MRC1: variants seen among roughly 807,000 people sequenced by gnomAD.
MRC1 encodes mannose receptor C-type 1, also known as macrophage mannose receptor 1.
In MRC1, 62 loss-of-function variants were observed where a neutral mutation model predicts 102.9. The ratio of observed to expected loss-of-function variants is 0.60; its 90% CI spans 0.49 to 0.74. The LOEUF (loss-of-function observed/expected upper bound fraction) is 0.74. Among genes scored for constraint, MRC1 ranks in the 30% least tolerant of loss-of-function variants. MRC1 has a pLI of 0.00. For missense variants in MRC1, 1,237 were observed against 862.8 expected (o/e 1.43, Z -5.43); for synonymous variants, 457 against 298.4 (o/e 1.53, Z -5.48).
In MRC1 at chr10:17,910,513, G is replaced by A. The variant is rs1833955011; in HGVS notation, c.*48G>A. 3 of 780,132 alleles carry A rather than the reference G, an allele frequency of 3.8e-6. No individual in the cohort carries two copies. The highest frequency in any genetic ancestry group is 7.2e-6 in the Non-Finnish European group (3 of 417,736). The allele number at this position is 780,132 out of a possible 1,614,324, so 48.3% of individuals were successfully genotyped here. On this transcript the variant is annotated 3_prime_UTR_variant, in exon 30 of 30. Transcript: ENST00000569591. ...ATTTGAATTTCATAAAATTGTAACT[G>A]AAATTTAAAATTTTTAGTTCAATGT...
At chr10:17,885,151 A>C (rs1833574354) in intron 21 of MRC1, 118 bp from the exon 22 acceptor site, 6 of 738,146 alleles carry the variant, frequency 8.1e-6, no homozygotes. Context: ...GGTATTTTTA[A>C]GTAACAATGA....
At chr10:17,850,330 T>C (rs1162442511) in intron 7 of MRC1, among the ~76,000 whole-genome samples, 2 of 147,864 alleles carry the variant, frequency 1.4e-5, no homozygotes, top group Non-Finnish European at 3.0e-5. Context: ...CAAGCTACGG[T>C]GGCTCATGCC....
intron 10 of MRC1, among the ~76,000 whole-genome samples, chr10:17,862,432 T>A (rs1833198007): frequency 6.6e-6 from 1 of 152,200 alleles, no homozygotes; most frequent in African/African-American, 2.4e-5. Context: ...TTAAGTACCA[T>A]GAGATCATAT....
chr10:17,841,721 T>C (rs1589172790), intron 5 of MRC1, among the ~76,000 whole-genome samples: 1 of 146,466 alleles, frequency 6.8e-6, no homozygotes, highest in African/African-American at 2.5e-5. Context: ...TCCCCACCCC[T>C]CAATCCCACC....
intron 24 of MRC1, among the ~76,000 whole-genome samples, chr10:17,899,119 A>AG (rs1491374244): frequency 5.9e-5 from 9 of 151,716 alleles, no homozygotes; most frequent in Non-Finnish European, 1.0e-4. Context: ...AAAAAAAAAA[A>AG]GGAGATAAAC....
In MRC1 at chr10:17,845,995, C is replaced by T. The variant is rs1838820330; in HGVS notation, c.1063+560C>T. ...CGCGATCTCAGCTCACTGCAAACTT[C>T]GCCTCCTGGGTTCGTGATTCTCCTG... On this transcript the variant is annotated intron_variant, in intron 6 of 29. Transcript: ENST00000569591. Among the ~76,000 whole-genome samples the T allele has an allele frequency of 3.3e-5, 5 of 152,198 alleles. No individual in the cohort carries two copies. In the South Asian group the frequency reaches 8.3e-4, roughly 25 times the overall value.
intron 6 of MRC1, among the ~76,000 whole-genome samples, chr10:17,848,179 A>G (rs1838855105): frequency 6.6e-6 from 1 of 152,164 alleles, no homozygotes; most frequent in Admixed American, 6.5e-5. Flanking sequence ...ACGAACATAT[A>G]CTAAGACAGC....
chr10:17,862,537 A>G (rs1324000847), intron 10 of MRC1, among the ~76,000 whole-genome samples: 2 of 152,068 alleles, frequency 1.3e-5, no homozygotes, highest in Non-Finnish European at 2.9e-5. Flanking sequence ...ATTTCACTAT[A>G]TTTTATATTT....
chr10:17,843,738 T>A (rs1270733130), intron 5 of MRC1, among the ~76,000 whole-genome samples: 5 of 152,130 alleles, frequency 3.3e-5, no homozygotes, highest in Admixed American at 6.5e-5. Flanking sequence ...AAATAAACTT[T>A]AAAAAAATCA....
rs1400440750 is a variant in MRC1, at chr10:17,845,493, A to G, written c.1063+58A>G. 18 of 778,886 alleles carry G rather than the reference A, an allele frequency of 2.3e-5. No individual in the cohort carries two copies. In the Admixed American group the frequency reaches 2.9e-4, roughly 13 times the overall value. The allele number at this position is 778,886 out of a possible 1,614,324, so 48.2% of individuals were successfully genotyped here. ...CTATTAGAATTGAAAGATAAGTAAC[A>G]TTACAGCTTAGGTGTAACTGTTGGA... On this transcript the variant is annotated intron_variant, in intron 6 of 29. Transcript: ENST00000569591.
chr10:17,879,411 A>G (rs1351380327), intron 18 of MRC1, among the ~76,000 whole-genome samples: 4 of 152,222 alleles, frequency 2.6e-5, no homozygotes, highest in Middle Eastern at 6.8e-3. Context: ...CTGGAGTGCA[A>G]TGGTGCGATC....
chr10:17,824,169 T>G (rs1554838518), intron 2 of MRC1, among the ~76,000 whole-genome samples: 1 of 152,202 alleles, frequency 6.6e-6, no homozygotes, highest in Non-Finnish European at 1.5e-5. Flanking sequence ...GAGTATTTAG[T>G]TCTTTCTTAT....
chr10:17,845,660 G>A (rs1838815863), intron 6 of MRC1, among the ~76,000 whole-genome samples: 1 of 152,166 alleles, frequency 6.6e-6, no homozygotes, highest in African/African-American at 2.4e-5. Flanking sequence ...AAATAAAAAT[G>A]TTACCTTCCC....
chr10:17,910,390 T>C lies in MRC1; in HGVS notation c.4296T>C (p.Ser1432=), dbSNP rs879160896. Residue 1432 remains serine, a synonymous_variant, in exon 30 of 30, where the codon AGT becomes AGC. Transcript: ENST00000569591. The part of the protein sequence containing the change: ...GAFENTLYFN[S]QSSPGTSDMK... ...TTGAAAACACTCTGTATTTTAACAGTCAGTCAAGCCCAGGAACTAGTGATA... is the reference window on the plus strand; with the variant it reads ...TTGAAAACACTCTGTATTTTAACAGCCAGTCAAGCCCAGGAACTAGTGATA... 4,077 of 780,760 alleles carry C rather than the reference T, an allele frequency of 5.2e-3. 109 individuals carry two copies. The African/African-American group carries it at 0.06, about 11-fold the overall frequency. The allele number at this position is 780,760 out of a possible 1,614,324, so 48.4% of individuals were successfully genotyped here.
At chr10:17,860,598 T>A (rs949408518) in intron 9 of MRC1, among the ~76,000 whole-genome samples, 1 of 152,154 alleles carries the variant, frequency 6.6e-6, no homozygotes, top group East Asian at 1.9e-4. Context: ...ATTTGGAGTA[T>A]GGGAGAAGGA....
At chr10:17,846,805 C>G (rs1218612397) in intron 6 of MRC1, among the ~76,000 whole-genome samples, 1 of 152,256 alleles carries the variant, frequency 6.6e-6, no homozygotes, top group South Asian at 2.1e-4. Context: ...AGAGACAGCA[C>G]ATATATTTTT....
rs1833938204 is a variant in MRC1, at chr10:17,909,310, T to C, written c.4083T>C (p.Ile1361=). The C allele has an allele frequency of 1.8e-5, 16 of 871,422 alleles. No individual in the cohort carries two copies. The highest frequency in any genetic ancestry group is 1.7e-4 in the South Asian group (13 of 76,196). The allele number at this position is 871,422 out of a possible 1,614,324, so 54.0% of individuals were successfully genotyped here. ...KGYICKRPKI[I]DAKPTHELLT... ...TTTTTTTTTTTTTACACACAGTTAT[T>C]GATGCTAAACCTACTCATGAATTAC... is the stretch of plus-strand genomic sequence containing the variant. The change falls in exon 29 of 30, where the codon ATT becomes ATC. Residue 1361 remains isoleucine, a synonymous_variant. Coordinates refer to ENST00000569591, the MANE Select transcript of MRC1 (RefSeq NM_002438.4).
At chr10:17,864,686 A>G (rs1833236265) in intron 11 of MRC1, among the ~76,000 whole-genome samples, 1 of 151,900 alleles carries the variant, frequency 6.6e-6, no homozygotes, top group East Asian at 1.9e-4. Context: ...AAAATTAGCC[A>G]AGTGCAGTGG....
Position 17,909,376 on chromosome 10 carries a change from G to A in MRC1, c.4120+29G>A, listed in dbSNP as rs782236587. On this transcript the variant is annotated intron_variant, in intron 29 of 29. Transcript: ENST00000569591. ...AGGCCATTGCAAAATTTCAAGTTCT[G>A]TGTTAGTAATACATCCGTACTGTTT... The A allele has an allele frequency of 1.5e-4, 130 of 858,526 alleles. 1 individual carries two copies. The highest frequency in any genetic ancestry group is 2.8e-4 in the South Asian group (21 of 76,136). 53.2% of individuals were successfully genotyped at this position (858,526 alleles called of 1,614,324 possible).
Sources: gnomAD v4.1 joint callset for allele counts (sites outside exome capture counted in the v4.1 genomes callset) on GRCh38, gnomAD v4.1.1 for gene constraint, MANE v1.5 for transcripts, NCBI Gene and HGNC (gene_info 2026-07-23, HGNC 2026-07-21) for gene names.